SCN7A: variants seen among roughly 807,000 people sequenced by gnomAD.
SCN7A encodes sodium voltage-gated channel alpha subunit 7, also known as sodium channel protein type 7 subunit alpha.
Under a neutral mutation model 155.2 loss-of-function variants are expected in SCN7A, and 138 were observed. The ratio of observed to expected loss-of-function variants is 0.89; its 90% CI spans 0.77 to 1.02. The LOEUF is 1.02. Among genes scored for constraint, SCN7A ranks in the 50% least tolerant of loss-of-function variants. SCN7A has a pLI of 0.00. For synonymous variants in SCN7A, 693 were observed against 649.0 expected (o/e 1.07, Z -1.03); for missense variants, 2,058 against 1,986.6 (o/e 1.04, Z -0.68).
At chr2:166,480,298 A>T (rs1004686607) in intron 2 of SCN7A, among the ~76,000 whole-genome samples, 11 of 152,138 alleles carry the variant, frequency 7.2e-5, no homozygotes, top group Non-Finnish European at 1.5e-4. Flanking sequence ...TCTGCTAAAA[A>T]TACAAAAACA....
Position 166,406,602 on chromosome 2 carries a change from A to G in SCN7A, c.4027T>C (p.Ser1343Pro). 6.2e-7 allele frequency: 1 copy of G among 1,611,674 alleles called. No homozygotes were observed. Among genetic ancestry groups the G allele is most frequent in the Non-Finnish European group, 8.5e-7 (1 of 1,178,626 alleles). Residue 1343 changes from serine to proline, a missense_variant, in exon 26 of 26, where the codon TCA (serine) becomes CCA (proline). Coordinates refer to ENST00000643258, the MANE Select transcript of SCN7A (RefSeq NM_002976.4). ...GAGAGAAGTATCAGTTGCACAAGTG[A>G]AGGAGGCACAAGGTAGGATCCTACT... ...MTVGSYLVPP[S>P]LVQLILLSRI...
chr2:166,470,967 T>C (rs552398250), intron 6 of SCN7A, among the ~76,000 whole-genome samples: 20 of 152,032 alleles, frequency 1.3e-4, no homozygotes, highest in African/African-American at 3.9e-4. Context: ...TCTCATCAAA[T>C]ATTCTATACT....
At chr2:166,451,671 A>G (rs1368855735) in intron 11 of SCN7A, among the ~76,000 whole-genome samples, 2 of 152,088 alleles carry the variant, frequency 1.3e-5, no homozygotes, top group East Asian at 1.9e-4. Flanking sequence ...CACTCCATCT[A>G]TTTAGCCTGG....
At chr2:166,464,964 AC>A (rs1702496094) in intron 9 of SCN7A, among the ~76,000 whole-genome samples, 4 of 152,148 alleles carry the variant, frequency 2.6e-5, no homozygotes, top group Non-Finnish European at 5.9e-5. Context: ...CACATTGCAT[AC>A]TTCTGCTATG....
intron 1 of SCN7A, among the ~76,000 whole-genome samples, chr2:166,489,550 A>G (rs961663411): frequency 1.3e-5 from 2 of 152,224 alleles, no homozygotes; most frequent in Non-Finnish European, 2.9e-5. Flanking sequence ...CTGTGTGAAT[A>G]AACGTTCTTT....
At chr2:166,452,991 C>T (rs1702204769) in intron 11 of SCN7A, among the ~76,000 whole-genome samples, 1 of 152,094 alleles carries the variant, frequency 6.6e-6, no homozygotes, top group Non-Finnish European at 1.5e-5. Flanking sequence ...GGGTGTTTCT[C>T]TGTTGAAACA....
chr2:166,465,944 C>T lies in SCN7A; in HGVS notation c.708G>A (p.Gln236=), dbSNP rs908665400. 9 of 1,613,216 alleles carry T rather than the reference C, an allele frequency of 5.6e-6. No homozygotes were observed. The highest frequency in any genetic ancestry group is 4.0e-5 in the African/African-American group (3 of 74,872). ...GAGTTAGGATAATGACACCAATAAG[C>T]TGCTTCAAGCAGTGGATCAGGACCC... ...LVGVLIHCLK[Q]LIGVIILTLF... Residue 236 remains glutamine (Q), a synonymous_variant, in exon 8 of 26, where the codon CAG becomes CAA. Transcript: ENST00000643258.
chr2:166,489,113 T>C (rs1461870943), intron 1 of SCN7A, among the ~76,000 whole-genome samples: 1 of 152,182 alleles, frequency 6.6e-6, no homozygotes, highest in African/African-American at 2.4e-5. Context: ...ACAAAAATTC[T>C]AGTATATTGC....
chr2:166,467,076 A>T (rs1482313063), intron 7 of SCN7A, among the ~76,000 whole-genome samples: 1 of 151,822 alleles, frequency 6.6e-6, no homozygotes, highest in Non-Finnish European at 1.5e-5. Context: ...TTTTTACTAT[A>T]AGCAAATCTT....
chr2:166,441,839 T>G, intron 14 of SCN7A, 87 bp from the exon 15 acceptor site: 5 of 856,740 alleles, frequency 5.8e-6, no homozygotes, highest in Non-Finnish European at 9.1e-6. Context: ...GTTATACACA[T>G]ATACATATAT....
chr2:166,475,264 T>C (rs1217459592), intron 3 of SCN7A, among the ~76,000 whole-genome samples: 1 of 148,566 alleles, frequency 6.7e-6, no homozygotes, highest in East Asian at 1.9e-4. Flanking sequence ...AAAGAGTGTA[T>C]TTTATAATTT....
At chr2:166,469,102 TTTGTC>T (rs1473683133) in intron 7 of SCN7A, among the ~76,000 whole-genome samples, 2 of 151,424 alleles carry the variant, frequency 1.3e-5, no homozygotes, top group Admixed American at 1.3e-4. Flanking sequence ...ATTTCAATAA[TTTGTC>T]TTTTATATTC....
At chr2:166,440,415 G>A (rs1701935365) in intron 15 of SCN7A, among the ~76,000 whole-genome samples, 1 of 152,082 alleles carries the variant, frequency 6.6e-6, no homozygotes, top group Non-Finnish European at 1.5e-5. Context: ...CATAGGTCTG[G>A]GATTGGGGTC....
rs62176973 is a variant in SCN7A, at chr2:166,469,255, G to A, written c.664+1360C>T. Among the ~76,000 whole-genome samples the A allele has an allele frequency of 1.1e-3, 159 of 151,418 alleles. 1 individual carries two copies. The highest frequency in any genetic ancestry group is 1.7e-3 in the Non-Finnish European group (113 of 67,702). ...AGTCTTTCTTTATACAAGTGTGCTT[G>A]TTTGATGCACTTATAATACTATTTT... On this transcript the variant is annotated intron_variant, in intron 7 of 25. Coordinates refer to ENST00000643258, the MANE Select transcript of SCN7A (RefSeq NM_002976.4).
intron 1 of SCN7A, among the ~76,000 whole-genome samples, chr2:166,489,496 G>A (rs1269497180): frequency 1.3e-5 from 2 of 152,212 alleles, no homozygotes; most frequent in Non-Finnish European, 2.9e-5. Context: ...ATAAAGGACA[G>A]CTTGACTAAA....
At position 166,462,390 on chromosome 2, in the gene SCN7A, T is replaced by C. The variant is rs1430272623; in HGVS notation, c.1082A>G (p.Gln361Arg). The C allele has an allele frequency of 6.3e-7, 1 of 1,586,298 alleles. No individual in the cohort carries two copies. The highest frequency in any genetic ancestry group is 1.8e-5 in the Admixed American group (1 of 55,294). ...AQDYPEVLYH[Q>R]ILYASGKVYM... ...AGTACAATTTCTCTCTGTTCTTACCTGGTGATAAAGTACTTCAGGGTAATC... is the reference window on the plus strand; with the variant it reads ...AGTACAATTTCTCTCTGTTCTTACCCGGTGATAAAGTACTTCAGGGTAATC... The change falls in exon 10 of 26, where the codon CAG becomes CGG. Residue 361 changes from glutamine (Q) to arginine (R), a missense_variant and splice_region_variant. Physicochemically the swap from Gln to Arg is conservative, Grantham distance 43 (BLOSUM62 1). Transcript: ENST00000643258.
chr2:166,445,022 G>A (rs1295448444), intron 12 of SCN7A, 22 bp from the exon 13 acceptor site: 13 of 1,506,506 alleles, frequency 8.6e-6, no homozygotes, highest in South Asian at 8.0e-5. Flanking sequence ...GAATACAAAA[G>A]TTAAACATTC....
At chr2:166,450,525 G>A (rs1702154688) in intron 11 of SCN7A, among the ~76,000 whole-genome samples, 1 of 152,152 alleles carries the variant, frequency 6.6e-6, no homozygotes, top group Admixed American at 6.5e-5. Context: ...GATGTGGACG[G>A]GTGTGGTGGC....
intron 18 of SCN7A, among the ~76,000 whole-genome samples, chr2:166,423,798 C>T (rs1701563367): frequency 6.6e-6 from 1 of 152,012 alleles, no homozygotes; most frequent in Non-Finnish European, 1.5e-5. Context: ...TATGTAATTC[C>T]AGGTAGCCAA....
Sources: gnomAD v4.1 joint callset for allele counts (sites outside exome capture counted in the v4.1 genomes callset) on GRCh38, gnomAD v4.1.1 for gene constraint, MANE v1.5 for transcripts, NCBI Gene and HGNC (gene_info 2026-07-23, HGNC 2026-07-21) for gene names.